PRELID2: variants seen among roughly 807,000 people sequenced by gnomAD.
The protein encoded by PRELID2 is PRELI domain containing 2, also known as PRELI domain-containing protein 2.
A neutral mutation model predicts 28.4 loss-of-function variants in PRELID2; 25 were observed. The ratio of observed to expected loss-of-function variants is 0.88; its 90% CI spans 0.64 to 1.23. PRELID2 has a LOEUF of 1.23. Among genes scored for constraint, PRELID2 ranks in the 50% most tolerant of loss-of-function variants. PRELID2 has a pLI of 0.00. For missense variants in PRELID2, 201 were observed against 214.4 expected (o/e 0.94, Z 0.39); for synonymous variants, 76 against 71.6 (o/e 1.06, Z -0.31).
the PRELID2 span, among the ~76,000 whole-genome samples, chr5:145,244,973 T>C: frequency 1.3e-5 from 2 of 152,158 alleles, no homozygotes; most frequent in Non-Finnish European, 2.9e-5. Context: ...ATTTCCAAAG[T>C]ATTCAAAGCA....
chr5:145,817,749 T>G, intron 4 of PRELID2, 145 bp downstream of exon 4: 1 of 661,736 alleles, frequency 1.5e-6, no homozygotes, highest in Non-Finnish European at 2.2e-6. Context: ...AATTCATTAA[T>G]TACTGTGATT....
At chr5:145,557,899 T>C (rs1166349239) in intron 1 of PRELID2, among the ~76,000 whole-genome samples, 1 of 152,208 alleles carries the variant, frequency 6.6e-6, no homozygotes, top group Non-Finnish European at 1.5e-5. Flanking sequence ...AATGGCTTAT[T>C]GATGAAGTTG....
intron 2 of PRELID2, among the ~76,000 whole-genome samples, chr5:145,821,193 CTG>C (rs67638075): frequency 2.7e-3 from 316 of 117,024 alleles, no homozygotes; most frequent in African/African-American, 1.0e-2. Flanking sequence ...AAGTCCTCTT[CTG>C]TGTGTGTGTG....
At chr5:145,475,025 A>G (rs1752086721) in intron 1 of PRELID2, among the ~76,000 whole-genome samples, 1 of 152,224 alleles carries the variant, frequency 6.6e-6, no homozygotes, top group African/African-American at 2.4e-5. Flanking sequence ...ATGAAAGACT[A>G]TTCTCTGGGT....
At chr5:145,476,273 T>C (rs1368771693) in intron 1 of PRELID2, among the ~76,000 whole-genome samples, 1 of 152,114 alleles carries the variant, frequency 6.6e-6, no homozygotes, top group African/African-American at 2.4e-5. Context: ...ATTCTAAAGT[T>C]CTCCAAAATT....
At chr5:145,568,566 A>G (rs1752988423) in intron 1 of PRELID2, among the ~76,000 whole-genome samples, 1 of 152,238 alleles carries the variant, frequency 6.6e-6, no homozygotes, top group African/African-American at 2.4e-5. Context: ...GATTAAGAAG[A>G]TGATGACATG....
rs554531390 is a variant in PRELID2 at position 145,708,650 on chromosome 5, G to C, written n.70+56281C>G. Among the ~76,000 whole-genome samples, 13 of 152,224 alleles carry C rather than the reference G, an allele frequency of 8.5e-5. No individual in the cohort carries two copies. The South Asian group carries it at 2.7e-3, about 32-fold the overall frequency. ...TTTGCATTGCTTTTAACAAAAGCTA[G>C]AAGATGTGTTTTCCCCCATTCTTGC... On this transcript the variant is annotated intron_variant and non_coding_transcript_variant, in intron 1 of 2. Transcript: ENST00000510259.
At chr5:145,301,550 T>C in the PRELID2 span, among the ~76,000 whole-genome samples, 1 of 152,200 alleles carries the variant, frequency 6.6e-6, no homozygotes, top group Admixed American at 6.5e-5. Flanking sequence ...TGGTCTGTGC[T>C]TTCAGCTCCT....
At chr5:145,565,994 G>C (rs757044206) in intron 1 of PRELID2, among the ~76,000 whole-genome samples, 1 of 152,190 alleles carries the variant, frequency 6.6e-6, no homozygotes, top group Non-Finnish European at 1.5e-5. Context: ...TCAACTCTAC[G>C]TGAAGCTCAT....
At chr5:145,656,064 A>G (rs1340089134) in intron 1 of PRELID2, among the ~76,000 whole-genome samples, 2 of 152,302 alleles carry the variant, frequency 1.3e-5, no homozygotes, top group East Asian at 1.9e-4. Flanking sequence ...AGAAAAAAAC[A>G]AACAACCCCA....
the PRELID2 span, among the ~76,000 whole-genome samples, chr5:145,277,778 A>C: frequency 1.6e-4 from 25 of 152,160 alleles, no homozygotes; most frequent in Non-Finnish European, 3.1e-4. Context: ...AGAGGATGTA[A>C]AGGCTGACTC....
chr5:145,794,983 AAT>A, intron 5 of PRELID2: 1 of 152,206 alleles, frequency 6.6e-6, no homozygotes, highest in Admixed American at 6.5e-5. Flanking sequence ...TCAATTTGAT[AAT>A]AAGGAACACG....
intron 1 of PRELID2, among the ~76,000 whole-genome samples, chr5:145,652,590 A>T (rs188190895): frequency 1.8e-3 from 272 of 152,348 alleles, no homozygotes; most frequent in African/African-American, 5.1e-3. Context: ...AGTGGGGGCC[A>T]ATATTCGACA....
rs1561561306 is a variant in PRELID2 at position 145,729,735 on chromosome 5, G to A, written n.70+35196C>T. On this transcript the variant is annotated intron_variant and non_coding_transcript_variant, in intron 1 of 2. Transcript: ENST00000510259. ...CGGGGTCTTTCTTGCCCCATGTTGG[G>A]CAGCCAGGAATGTTGGGGTGATCAG... 2.6e-5 allele frequency among the ~76,000 whole-genome samples: 4 copies of A among 152,254 alleles called. No individual in the cohort carries two copies. The South Asian group carries it at 8.3e-4, about 32-fold the overall frequency.
intron 1 of PRELID2, among the ~76,000 whole-genome samples, chr5:145,593,679 G>A (rs1269669910): frequency 6.6e-6 from 1 of 152,150 alleles, no homozygotes; most frequent in African/African-American, 2.4e-5. Context: ...GTACTGCAGA[G>A]TCATCAAACA....
At chr5:145,507,441 AG>A (rs1752421670) in intron 1 of PRELID2, among the ~76,000 whole-genome samples, 1 of 152,212 alleles carries the variant, frequency 6.6e-6, no homozygotes, top group Admixed American at 6.5e-5. Flanking sequence ...AAGATGGGAA[AG>A]GTAGACACAA....
At chr5:145,314,588 A>T in the PRELID2 span, among the ~76,000 whole-genome samples, 1 of 152,004 alleles carries the variant, frequency 6.6e-6, no homozygotes, top group African/African-American at 2.4e-5. Context: ...TTATCACTAA[A>T]ATTTTTTAAA....
At chr5:145,804,339 T>C (rs1054964259) in intron 4 of PRELID2, among the ~76,000 whole-genome samples, 2 of 151,932 alleles carry the variant, frequency 1.3e-5, no homozygotes, top group African/African-American at 4.8e-5. Flanking sequence ...TGAAACCCCA[T>C]GTCTACCAAA....
chr5:145,800,335 C>CACACACAT (rs10677473), intron 4 of PRELID2, among the ~76,000 whole-genome samples: 6 of 150,154 alleles, frequency 4.0e-5, no homozygotes, highest in African/African-American at 1.5e-4. Flanking sequence ...CACACACACA[C>CACACACAT]GAGTTATCCC....
Sources: allele counts gnomAD v4.1 joint callset (sites outside exome capture counted in the v4.1 genomes callset), GRCh38; gene constraint gnomAD v4.1.1; transcripts MANE v1.5; gene names NCBI Gene and HGNC (gene_info 2026-07-23, HGNC 2026-07-21).